Variants in LGR6 observed in about 807,000 individuals in gnomAD.
LGR6 encodes the protein leucine-rich repeat-containing G protein-coupled receptor 6.
A neutral mutation model predicts 69.4 loss-of-function variants in LGR6; 45 were observed. The ratio of observed to expected loss-of-function variants is 0.65; its 90% CI spans 0.51 to 0.83. The LOEUF is 0.83. Among genes scored for constraint, LGR6 ranks in the 40% least tolerant of loss-of-function variants. The pLI is 0.00. For missense variants in LGR6, 1,108 were observed against 1,246.7 expected (o/e 0.89, Z 1.68); for synonymous variants, 538 against 555.0 (o/e 0.97, Z 0.43).
chr1:202,270,884 C>T (rs1665041745), intron 4 of LGR6, among the ~76,000 whole-genome samples: 1 of 152,206 alleles, frequency 6.6e-6, no homozygotes, highest in Non-Finnish European at 1.5e-5. Context: ...GGGTCCCCTT[C>T]CTTCCCTCCC....
intron 1 of LGR6, among the ~76,000 whole-genome samples, chr1:202,217,239 A>C (rs1374274838): frequency 6.6e-6 from 1 of 152,148 alleles, no homozygotes; most frequent in East Asian, 1.9e-4. Flanking sequence ...AATACGATTT[A>C]ACCTGAAGTT....
intron 4 of LGR6, among the ~76,000 whole-genome samples, chr1:202,271,342 G>A (rs1392607588): frequency 6.6e-6 from 1 of 152,130 alleles, no homozygotes; most frequent in Non-Finnish European, 1.5e-5. Flanking sequence ...GATCCCAGGG[G>A]AGCCTGAACC....
At chr1:202,312,008 T>C (rs1383506870) in intron 16 of LGR6, among the ~76,000 whole-genome samples, 1 of 152,234 alleles carries the variant, frequency 6.6e-6, no homozygotes, top group Non-Finnish European at 1.5e-5. Flanking sequence ...CCCGGATGTC[T>C]GCTGTACACT....
intron 1 of LGR6, among the ~76,000 whole-genome samples, chr1:202,205,146 ACCT>A (rs1659097815): frequency 1.2e-5 from 1 of 84,676 alleles, no homozygotes; most frequent in Non-Finnish European, 2.2e-5. Flanking sequence ...ACACACACAC[ACCT>A]CCACACACAC....
chr1:202,224,085 G>A (rs1297208483), intron 1 of LGR6, among the ~76,000 whole-genome samples: 1 of 151,990 alleles, frequency 6.6e-6, no homozygotes, highest in Admixed American at 6.5e-5. Context: ...CGTCTGATAG[G>A]TAACTGCAGA....
Position 202,319,236 on chromosome 1 carries a change from C to T in LGR6, c.*29C>T. The T allele has an allele frequency of 6.5e-7, 1 of 1,535,696 alleles. No homozygotes were observed. The highest frequency in any genetic ancestry group is 1.4e-5 in the African/African-American group (1 of 72,776). On this transcript the variant is annotated 3_prime_UTR_variant, in exon 18 of 18. Coordinates refer to ENST00000367278, the MANE Select transcript of LGR6 (RefSeq NM_001017403.2). ...TCCCTCCCCATTCTTCTCTTCCCCT[C>T]TCTTCCCTTTCCTCTCTCCCCCTCG...
intron 4 of LGR6, among the ~76,000 whole-genome samples, chr1:202,243,209 C>G (rs774910317): frequency 6.6e-6 from 1 of 152,138 alleles, no homozygotes; most frequent in East Asian, 1.9e-4. Context: ...GGTACCTGCT[C>G]CCAGAGCTGA....
In LGR6 at chr1:202,206,095, G is replaced by T. The variant is rs146117600; in HGVS notation, c.212+11894G>T. 3.5e-4 allele frequency among the ~76,000 whole-genome samples: 54 copies of T among 152,364 alleles called. No individual in the cohort carries two copies. The East Asian group carries it at 9.4e-3, about 27-fold the overall frequency. Reference sequence around the variant, plus strand: ...CCCTTCCTCTCAGCTCCAGATCTGGGGCAACCCAGGGTTGGGAGTGTTTGA... The same window carrying T: ...CCCTTCCTCTCAGCTCCAGATCTGGTGCAACCCAGGGTTGGGAGTGTTTGA... On this transcript the variant is annotated intron_variant, in intron 1 of 17. Transcript: ENST00000367278.
At chr1:202,304,348 C>T (rs1440361038) in intron 10 of LGR6, among the ~76,000 whole-genome samples, 1 of 152,156 alleles carries the variant, frequency 6.6e-6, no homozygotes, top group African/African-American at 2.4e-5. Flanking sequence ...TCCCCCAGCT[C>T]CTCTAGGCCC....
intron 4 of LGR6, among the ~76,000 whole-genome samples, chr1:202,244,157 C>T (rs952277483): frequency 1.3e-5 from 2 of 152,120 alleles, no homozygotes; most frequent in Non-Finnish European, 2.9e-5. Flanking sequence ...TGGGGTTTCA[C>T]CATGGTGGCC....
chr1:202,311,745 A>C (rs1350248785), intron 16 of LGR6, among the ~76,000 whole-genome samples: 1 of 152,248 alleles, frequency 6.6e-6, no homozygotes, highest in Non-Finnish European at 1.5e-5. Flanking sequence ...GATTCCATAA[A>C]TGATGAAGTA....
At chr1:202,312,288 CAG>C (rs1653804046) in intron 16 of LGR6, among the ~76,000 whole-genome samples, 1 of 152,254 alleles carries the variant, frequency 6.6e-6, no homozygotes, top group Non-Finnish European at 1.5e-5. Context: ...CAGCCTCAGA[CAG>C]AGTCCACGGG....
chr1:202,222,279 C>T (rs961125870), intron 1 of LGR6, among the ~76,000 whole-genome samples: 1 of 152,214 alleles, frequency 6.6e-6, no homozygotes, highest in African/African-American at 2.4e-5. Context: ...CCCCACCCCA[C>T]CCCCTTTACT....
chr1:202,225,554 C>T (rs1571840783), intron 2 of LGR6, 60 bp downstream of exon 2: 1 of 1,436,526 alleles, frequency 7.0e-7, no homozygotes, highest in East Asian at 2.3e-5. Context: ...ATCTCTGGAA[C>T]CAGAGCTCCC....
At chr1:202,276,246 C>G in intron 4 of LGR6, 60 bp from the exon 5 acceptor site, 1 of 1,454,420 alleles carries the variant, frequency 6.9e-7, no homozygotes, top group Non-Finnish European at 9.5e-7. Flanking sequence ...CCAGTCTAGC[C>G]CCAAAGCTTG....
chr1:202,203,539 GCATT>G (rs74629379), intron 1 of LGR6, among the ~76,000 whole-genome samples: 8 of 152,014 alleles, frequency 5.3e-5, no homozygotes, highest in South Asian at 2.1e-4. Context: ...TGAGGAGCAA[GCATT>G]CATTCATTCA....
chr1:202,216,466 ATACAGGAGCCAC>A (rs1188529157), intron 1 of LGR6, among the ~76,000 whole-genome samples: 1 of 152,248 alleles, frequency 6.6e-6, no homozygotes, highest in Non-Finnish European at 1.5e-5. Flanking sequence ...GTGCTGTCCA[ATACAGGAGCCAC>A]TATCTTTATG....
intron 1 of LGR6, chr1:202,194,435 C>T (rs1658555170): frequency 3.4e-6 from 2 of 594,668 alleles, no homozygotes; most frequent in Non-Finnish European, 6.1e-6. Flanking sequence ...CATTGGCCTC[C>T]GTGCTTGTGG....
At chr1:202,213,406 G>A (rs938188178) in intron 1 of LGR6, among the ~76,000 whole-genome samples, 3 of 152,166 alleles carry the variant, frequency 2.0e-5, no homozygotes, top group African/African-American at 7.2e-5. Context: ...AGGCAAGGGA[G>A]ACAGGAATGC....
Sources: gnomAD v4.1 joint callset for allele counts (sites outside exome capture counted in the v4.1 genomes callset) on GRCh38, gnomAD v4.1.1 for gene constraint, MANE v1.5 for transcripts, NCBI Gene and HGNC (gene_info 2026-07-23, HGNC 2026-07-21) for gene names.